ZNF385D: variants seen among roughly 807,000 people sequenced by gnomAD.
The protein encoded by ZNF385D is zinc finger protein 385D.
Under a neutral mutation model 35.8 loss-of-function variants are expected in ZNF385D, and 15 were observed. That is an observed-to-expected ratio of 0.42 (90% CI 0.28 to 0.64). ZNF385D has a LOEUF of 0.64. Ranked by LOEUF, ZNF385D falls within the 30% of genes least tolerant of loss-of-function variation. ZNF385D has a pLI of 0.23. For synonymous variants in ZNF385D, 212 were observed against 186.8 expected (o/e 1.13, Z -1.10); for missense variants, 474 against 494.6 (o/e 0.96, Z 0.39).
chr3:22,358,498 G>C (rs1487007352), intron 2 of ZNF385D, among the ~76,000 whole-genome samples: 1 of 151,782 alleles, frequency 6.6e-6, no homozygotes, highest in Non-Finnish European at 1.5e-5. Context: ...TGGTGGGAGA[G>C]AGTGAAGTTT....
chr3:22,352,177 C>T (rs1458229814), intron 2 of ZNF385D, among the ~76,000 whole-genome samples: 1 of 152,158 alleles, frequency 6.6e-6, no homozygotes, highest in Admixed American at 6.5e-5. Flanking sequence ...ACAATCCTTA[C>T]TTTTCCCGGC....
chr3:22,165,943 A>T (rs952264652), intron 3 of ZNF385D, among the ~76,000 whole-genome samples: 1 of 152,216 alleles, frequency 6.6e-6, no homozygotes, highest in Admixed American at 6.5e-5. Context: ...AATATCTTTG[A>T]AAACAGATGG....
intron 3 of ZNF385D, among the ~76,000 whole-genome samples, chr3:21,812,585 G>A (rs1287892905): frequency 2.0e-5 from 3 of 152,264 alleles, no homozygotes; most frequent in Non-Finnish European, 4.4e-5. Flanking sequence ...CGCCCACGGA[G>A]CCTTGCTCAC....
chr3:21,789,687 A>G (rs2071845391), intron 3 of ZNF385D, among the ~76,000 whole-genome samples: 1 of 152,048 alleles, frequency 6.6e-6, no homozygotes, highest in Admixed American at 6.6e-5. Flanking sequence ...CTGTATTTAG[A>G]AAATTCCTGA....
intron 3 of ZNF385D, among the ~76,000 whole-genome samples, chr3:21,873,711 T>G (rs1697813890): frequency 6.6e-6 from 1 of 152,082 alleles, no homozygotes; most frequent in Non-Finnish European, 1.5e-5. Context: ...TTAGATAACT[T>G]CTGTATGTAG....
intron 2 of ZNF385D, among the ~76,000 whole-genome samples, chr3:22,171,762 A>C (rs2125762895): frequency 6.6e-6 from 1 of 151,760 alleles, no homozygotes; most frequent in South Asian, 2.1e-4. Flanking sequence ...CTGTAGTTCC[A>C]GCTACTCGGG....
chr3:21,919,185 CCATT>C (rs1163664368), intron 3 of ZNF385D, among the ~76,000 whole-genome samples: 2 of 151,964 alleles, frequency 1.3e-5, no homozygotes, highest in African/African-American at 4.8e-5. Flanking sequence ...CTTCATTCAT[CCATT>C]CATTCATCCA....
intron 3 of ZNF385D, among the ~76,000 whole-genome samples, chr3:22,043,304 G>A (rs916960409): frequency 3.3e-5 from 5 of 152,262 alleles, no homozygotes; most frequent in African/African-American, 7.2e-5. Context: ...AAAGATTAGA[G>A]AGTGAATTAT....
At chr3:21,849,438 G>A (rs893293529) in intron 3 of ZNF385D, among the ~76,000 whole-genome samples, 11 of 151,898 alleles carry the variant, frequency 7.2e-5, no homozygotes, top group African/African-American at 2.2e-4. Context: ...TATTCCACAT[G>A]TCCTTTCTCT....
At chr3:21,867,060 A>G (rs988907780) in intron 3 of ZNF385D, among the ~76,000 whole-genome samples, 1 of 152,110 alleles carries the variant, frequency 6.6e-6, no homozygotes, top group Non-Finnish European at 1.5e-5. Flanking sequence ...GGAGGCTGAA[A>G]AGTCCAAGAC....
chr3:21,826,143 C>A (rs1434773868), intron 3 of ZNF385D, among the ~76,000 whole-genome samples: 1 of 152,088 alleles, frequency 6.6e-6, no homozygotes, highest in Non-Finnish European at 1.5e-5. Context: ...GTTGCTTTGA[C>A]CAGAAGTAGT....
chr3:21,801,852 T>C (rs1418124980), intron 3 of ZNF385D, among the ~76,000 whole-genome samples: 3 of 152,176 alleles, frequency 2.0e-5, no homozygotes, highest in Non-Finnish European at 4.4e-5. Context: ...ACTTACTCTC[T>C]GTCTGTGTAA....
At chr3:22,042,200 T>C (rs1400408395) in intron 3 of ZNF385D, among the ~76,000 whole-genome samples, 1 of 152,098 alleles carries the variant, frequency 6.6e-6, no homozygotes. Context: ...TCACTAGTTA[T>C]GAAACTGGGA....
chr3:21,641,719 G>A (rs1472323765), intron 2 of ZNF385D, among the ~76,000 whole-genome samples: 1 of 145,204 alleles, frequency 6.9e-6, no homozygotes, highest in Middle Eastern at 3.5e-3. Flanking sequence ...CAAGTGATCT[G>A]CCTGCCTTGG....
At chr3:22,160,937 A>T (rs1367302473) in intron 3 of ZNF385D, among the ~76,000 whole-genome samples, 1 of 152,092 alleles carries the variant, frequency 6.6e-6, no homozygotes, top group Non-Finnish European at 1.5e-5. Context: ...GAAGGTTTAA[A>T]CATCCTAAAA....
intron 3 of ZNF385D, among the ~76,000 whole-genome samples, chr3:21,560,717 C>T (rs901419230): frequency 2.0e-5 from 3 of 152,172 alleles, no homozygotes; most frequent in Non-Finnish European, 2.9e-5. Flanking sequence ...AGGCAGGGAA[C>T]ATTTACATCT....
chr3:21,733,634 G>T (rs1359302895), intron 1 of ZNF385D, among the ~76,000 whole-genome samples: 1 of 151,998 alleles, frequency 6.6e-6, no homozygotes, highest in Non-Finnish European at 1.5e-5. Context: ...TTGTGATTCT[G>T]GGTTTGTGTC....
intron 3 of ZNF385D, among the ~76,000 whole-genome samples, chr3:21,899,421 T>A (rs955504264): frequency 4.6e-5 from 7 of 152,164 alleles, no homozygotes; most frequent in Admixed American, 1.3e-4. Flanking sequence ...ATCAGAGTTA[T>A]CTAAAGGGCT....
intron 2 of ZNF385D, among the ~76,000 whole-genome samples, chr3:21,620,103 C>A (rs1400075371): frequency 6.6e-6 from 1 of 152,082 alleles, no homozygotes; most frequent in East Asian, 1.9e-4. Context: ...ATTCAAGGGC[C>A]CGTCTACAAA....
Sources: gnomAD v4.1 joint callset for allele counts (sites outside exome capture counted in the v4.1 genomes callset) on GRCh38, gnomAD v4.1.1 for gene constraint, MANE v1.5 for transcripts, NCBI Gene and HGNC (gene_info 2026-07-23, HGNC 2026-07-21) for gene names.